Variants in CPEB3 observed in about 807,000 individuals in gnomAD.
CPEB3 encodes cytoplasmic polyadenylation element-binding protein 3.
A neutral mutation model predicts 67.2 loss-of-function variants in CPEB3; 20 were observed. That is an observed-to-expected ratio of 0.30 (90% CI 0.21 to 0.43). The LOEUF is 0.43. Among genes scored for constraint, CPEB3 ranks in the 20% least tolerant of loss-of-function variants. The probability of loss-of-function intolerance (pLI) is 1.00; values close to 1 mark genes in which losing one functional copy is unlikely to be tolerated. For synonymous variants in CPEB3, 376 were observed against 393.1 expected (o/e 0.96, Z 0.51); for missense variants, 746 against 968.6 (o/e 0.77, Z 3.05).
intron 9 of CPEB3, among the ~76,000 whole-genome samples, chr10:92,055,851 GCAA>G (rs1382095909): frequency 3.3e-5 from 5 of 151,986 alleles, no homozygotes; most frequent in African/African-American, 1.2e-4. Context: ...ACTAGCCTGG[GCAA>G]CAACAACAAA....
chr10:92,100,879 C>A (rs1383108145), intron 7 of CPEB3, among the ~76,000 whole-genome samples: 1 of 152,240 alleles, frequency 6.6e-6, no homozygotes, highest in Non-Finnish European at 1.5e-5. Context: ...GCGTGAGCCA[C>A]CGTGCCCGGC....
At chr10:92,258,655 T>C (rs1852644415) in intron 1 of CPEB3, among the ~76,000 whole-genome samples, 2 of 116,068 alleles carry the variant, frequency 1.7e-5, no homozygotes, top group East Asian at 2.8e-4. Context: ...TATATATATA[T>C]ATATATATAT....
At chr10:92,192,102 C>A (rs1351829915) in intron 3 of CPEB3, among the ~76,000 whole-genome samples, 2 of 152,126 alleles carry the variant, frequency 1.3e-5, no homozygotes, top group Non-Finnish European at 2.9e-5. Flanking sequence ...TTGAAGACTG[C>A]TTTACTAACT....
chr10:92,082,056 A>T (rs1390629151), intron 8 of CPEB3, among the ~76,000 whole-genome samples: 1 of 152,218 alleles, frequency 6.6e-6, no homozygotes, highest in Non-Finnish European at 1.5e-5. Flanking sequence ...ATTCTAACCC[A>T]ACTGTGAACT....
intron 2 of CPEB3, chr10:92,216,514 G>A (rs1464974790): frequency 1.9e-5 from 30 of 1,612,818 alleles, no homozygotes; most frequent in Non-Finnish European, 2.3e-5. Context: ...AGCAGATTCG[G>A]CGCGGGGTGA....
chr10:92,278,433 C>T (rs1842095225), intron 1 of CPEB3, among the ~76,000 whole-genome samples: 1 of 151,964 alleles, frequency 6.6e-6, no homozygotes, highest in Non-Finnish European at 1.5e-5. Context: ...ATGTTATATA[C>T]TTCTTTTGTT....
chr10:92,095,551 T>C (rs181776700), intron 7 of CPEB3, among the ~76,000 whole-genome samples: 1 of 149,800 alleles, frequency 6.7e-6, no homozygotes, highest in Non-Finnish European at 1.5e-5. Flanking sequence ...CTGGACTTAC[T>C]CTTTGTTTGG....
chr10:92,154,886 A>G (rs541618738), intron 4 of CPEB3, among the ~76,000 whole-genome samples: 12 of 152,334 alleles, frequency 7.9e-5, no homozygotes, highest in Admixed American at 6.5e-4. Flanking sequence ...AAACTTTCAC[A>G]TATATTACAT....
At chr10:92,069,950 T>C (rs1033571142) in intron 9 of CPEB3, among the ~76,000 whole-genome samples, 1 of 152,156 alleles carries the variant, frequency 6.6e-6, no homozygotes, top group African/African-American at 2.4e-5. Context: ...GCCCCACTAC[T>C]ACATGGACAT....
chr10:92,144,870 G>C, intron 5 of CPEB3, 75 bp downstream of exon 5: 1 of 1,355,732 alleles, frequency 7.4e-7, no homozygotes, highest in Non-Finnish European at 1.0e-6. Context: ...AAGTTGACTT[G>C]GAGAGGAGAG....
intron 1 of CPEB3, among the ~76,000 whole-genome samples, chr10:92,257,881 C>G (rs1033294826): frequency 2.0e-5 from 3 of 151,694 alleles, no homozygotes; most frequent in Non-Finnish European, 2.9e-5. Flanking sequence ...AGGCGCCCAC[C>G]ACCATGCCCA....
At chr10:92,106,596 C>T (rs34658839) in intron 7 of CPEB3, among the ~76,000 whole-genome samples, 52,490 of 151,418 alleles carry the variant, frequency 0.35, 9,309 homozygotes, top group Admixed American at 0.39. Flanking sequence ...GGGTGGATCA[C>T]CTGAGGTGAG....
At chr10:92,061,952 A>G (rs1391194748) in intron 9 of CPEB3, among the ~76,000 whole-genome samples, 1 of 152,152 alleles carries the variant, frequency 6.6e-6, no homozygotes, top group Non-Finnish European at 1.5e-5. Context: ...CACTATGTAT[A>G]AAAATTTGGC....
intron 9 of CPEB3, among the ~76,000 whole-genome samples, chr10:92,064,199 G>A (rs560952733): frequency 1.1e-4 from 16 of 152,272 alleles, no homozygotes; most frequent in African/African-American, 3.9e-4. Context: ...CAGAAGAGAT[G>A]TGTAGAGTTG....
chr10:92,081,589 C>A, intron 8 of CPEB3, 88 bp from the exon 9 acceptor site: 1 of 1,171,898 alleles, frequency 8.5e-7, no homozygotes, highest in Non-Finnish European at 1.2e-6. Context: ...AGAGATCATG[C>A]AATGTAATTA....
chr10:92,244,572 G>A (rs1336136103), intron 1 of CPEB3, among the ~76,000 whole-genome samples: 1 of 151,472 alleles, frequency 6.6e-6, no homozygotes. Context: ...CAAGTAGCTG[G>A]GACTACAGGG....
chr10:92,285,555 G>A (rs184389692), intron 1 of CPEB3, among the ~76,000 whole-genome samples: 118 of 152,334 alleles, frequency 7.7e-4, no homozygotes, highest in Non-Finnish European at 1.2e-3. Context: ...ACAGGCATGA[G>A]CCACCGTGCT....
intron 1 of CPEB3, among the ~76,000 whole-genome samples, chr10:92,240,821 C>G (rs1216838568): frequency 2.0e-5 from 3 of 151,984 alleles, no homozygotes; most frequent in South Asian, 2.1e-4. Flanking sequence ...ACCGCACACA[C>G]GACCCTTTCT....
intron 7 of CPEB3, among the ~76,000 whole-genome samples, chr10:92,105,359 C>A (rs775424144): frequency 1.3e-5 from 2 of 152,190 alleles, no homozygotes; most frequent in Non-Finnish European, 1.5e-5. Context: ...AATTTAATTT[C>A]TCTCTATTCC....
Sources: allele counts gnomAD v4.1 joint callset (sites outside exome capture counted in the v4.1 genomes callset), GRCh38; gene constraint gnomAD v4.1.1; transcripts MANE v1.5; gene names NCBI Gene and HGNC (gene_info 2026-07-23, HGNC 2026-07-21).